DNAJC6: variants seen among roughly 807,000 people sequenced by gnomAD.
DNAJC6 encodes DnaJ heat shock protein family (Hsp40) member C6.
Under a neutral mutation model 110.0 loss-of-function variants are expected in DNAJC6, and 34 were observed. The observed-to-expected ratio is 0.31, with a 90% CI of 0.24 to 0.41. The LOEUF (loss-of-function observed/expected upper bound fraction) is 0.41, where lower values mean the gene tolerates loss of function less well. DNAJC6 is among the 10% of genes least tolerant of loss of function. The pLI is 1.00. For synonymous variants in DNAJC6, 406 were observed against 437.2 expected (o/e 0.93, Z 0.89); for missense variants, 1,031 against 1,207.8 (o/e 0.85, Z 2.17).
chr1:65,279,159 G>C, intron 1 of DNAJC6: 1 of 985,352 alleles, frequency 1.0e-6, no homozygotes, highest in Non-Finnish European at 1.2e-6. Context: ...TTTTTAGTTT[G>C]GTGCTGTGTG....
intron 1 of DNAJC6, among the ~76,000 whole-genome samples, chr1:65,283,464 T>G (rs1469192141): frequency 6.6e-6 from 1 of 152,242 alleles, no homozygotes; most frequent in Non-Finnish European, 1.5e-5. Flanking sequence ...AGTCGTTGGA[T>G]GTACAACATG....
chr1:65,406,732 C>G (rs76029911), intron 16 of DNAJC6, among the ~76,000 whole-genome samples: 2,918 of 152,132 alleles, frequency 0.019, 85 homozygotes, highest in African/African-American at 0.066. Context: ...TGGATAGGAT[C>G]TTGACAATGA....
chr1:65,282,499 A>C (rs1653885022), intron 1 of DNAJC6, among the ~76,000 whole-genome samples: 1 of 152,166 alleles, frequency 6.6e-6, no homozygotes, highest in Non-Finnish European at 1.5e-5. Flanking sequence ...GGAGGGGATT[A>C]GGGCCAGACT....
intron 1 of DNAJC6, among the ~76,000 whole-genome samples, chr1:65,343,231 C>T (rs1012732615): frequency 2.6e-5 from 4 of 152,240 alleles, no homozygotes; most frequent in Non-Finnish European, 5.9e-5. Context: ...GTAGTGGAGA[C>T]GCAATACTCA....
chr1:65,315,311 A>G (rs1645139251), intron 1 of DNAJC6, among the ~76,000 whole-genome samples: 1 of 151,880 alleles, frequency 6.6e-6, no homozygotes, highest in Admixed American at 6.6e-5. Context: ...ATTTTGCACA[A>G]CAGGGGTTTT....
intron 18 of DNAJC6, among the ~76,000 whole-genome samples, chr1:65,412,275 A>T (rs1207337407): frequency 6.6e-6 from 1 of 152,248 alleles, no homozygotes; most frequent in East Asian, 1.9e-4. Flanking sequence ...TCATGGACAA[A>T]TGAAATCATC....
chr1:65,326,551 G>A (rs1000504492), intron 1 of DNAJC6, among the ~76,000 whole-genome samples: 3 of 152,164 alleles, frequency 2.0e-5, no homozygotes, highest in African/African-American at 7.2e-5. Flanking sequence ...AAAACCAAAG[G>A]AAGGTAGTTG....
Position 65,402,032 on chromosome 1 carries a change from C to T in DNAJC6, c.2227+152C>T, listed in dbSNP as rs4915692. The T allele has an allele frequency of 0.075, 83,929 of 1,126,350 alleles. 15,924 individuals carry two copies. Among genetic ancestry groups the T allele is most frequent in the East Asian group, 0.6 (20,277 of 33,906 alleles). The allele number at this position is 1,126,350 out of a possible 1,614,324, so 69.8% of individuals were successfully genotyped here. ...GCTATCCTCTGAAACCTGAGATTGG[C>T]TTTTTAAAAAAGGAAAGCGATAATC... On this transcript the variant is annotated intron_variant, in intron 15 of 18. Coordinates refer to ENST00000371069, the MANE Select transcript of DNAJC6 (RefSeq NM_001256864.2).
intron 1 of DNAJC6, among the ~76,000 whole-genome samples, chr1:65,313,306 C>T (rs1396801664): frequency 1.3e-5 from 2 of 151,786 alleles, no homozygotes; most frequent in Non-Finnish European, 2.9e-5. Context: ...AGCGATCTGA[C>T]CACCTCGGCC....
chr1:65,290,777 A>G (rs1406281219), intron 1 of DNAJC6, among the ~76,000 whole-genome samples: 2 of 152,216 alleles, frequency 1.3e-5, no homozygotes, highest in Non-Finnish European at 2.9e-5. Flanking sequence ...AATGTTAGCT[A>G]TTATTAAAAA....
At chr1:65,289,139 G>T (rs1654113928) in intron 1 of DNAJC6, among the ~76,000 whole-genome samples, 1 of 152,160 alleles carries the variant, frequency 6.6e-6, no homozygotes, top group South Asian at 2.1e-4. Flanking sequence ...TCTCAGCAGG[G>T]TGTGAGATTT....
intron 13 of DNAJC6, among the ~76,000 whole-genome samples, chr1:65,398,074 T>C (rs575801385): frequency 1.3e-5 from 2 of 152,226 alleles, no homozygotes; most frequent in Non-Finnish European, 2.9e-5. Context: ...ATTTTATAGA[T>C]GTGTAAAAAA....
chr1:65,385,768 A>G lies in DNAJC6; in HGVS notation c.857A>G (p.Lys286Arg). ...LADKPYRPHFKPLTIKSITVS... is the reference protein window; with the variant it reads ...LADKPYRPHFRPLTIKSITVS... Reference sequence around the variant, plus strand: ...GACAAGCCCTACCGCCCTCACTTCAAGCCTCTCACAATTAAGTCGATCACT... The same window carrying G: ...GACAAGCCCTACCGCCCTCACTTCAGGCCTCTCACAATTAAGTCGATCACT... The change falls in exon 7 of 19, where the codon AAG (lysine) becomes AGG (arginine). Residue 286 changes from lysine to arginine, a missense_variant. Lys to Arg is a conservative substitution (Grantham distance 26). Coordinates refer to ENST00000371069, the MANE Select transcript of DNAJC6 (RefSeq NM_001256864.2). 1 of 1,614,004 alleles carries G rather than the reference A, an allele frequency of 6.2e-7. No individual in the cohort carries two copies. Among genetic ancestry groups the G allele is most frequent in the Non-Finnish European group, 8.5e-7 (1 of 1,179,898 alleles).
chr1:65,281,427 T>C (rs1570210810), intron 1 of DNAJC6, among the ~76,000 whole-genome samples: 1 of 152,082 alleles, frequency 6.6e-6, no homozygotes, highest in South Asian at 2.1e-4. Flanking sequence ...CCCCTTTTCC[T>C]CCTCCCCCTA....
At chr1:65,346,845 T>G (rs1157912359) in intron 1 of DNAJC6, among the ~76,000 whole-genome samples, 1 of 152,004 alleles carries the variant, frequency 6.6e-6, no homozygotes, top group East Asian at 1.9e-4. Flanking sequence ...CCATCCAAAC[T>G]GCAATTCAGG....
At chr1:65,288,514 G>T (rs1463897761) in intron 1 of DNAJC6, among the ~76,000 whole-genome samples, 1 of 152,158 alleles carries the variant, frequency 6.6e-6, no homozygotes, top group Non-Finnish European at 1.5e-5. Context: ...ATAATGATTT[G>T]TGAGTGTGTG....
chr1:65,275,103 A>G (rs530941333), intron 1 of DNAJC6, among the ~76,000 whole-genome samples: 66 of 152,312 alleles, frequency 4.3e-4, no homozygotes, highest in African/African-American at 1.6e-3. Flanking sequence ...CCCATAGGAC[A>G]CTGTAATGAT....
At chr1:65,323,358 G>A (rs915918954) in intron 1 of DNAJC6, among the ~76,000 whole-genome samples, 1 of 152,184 alleles carries the variant, frequency 6.6e-6, no homozygotes, top group East Asian at 1.9e-4. Context: ...AGAACTGATG[G>A]TTTTAAAATG....
Position 65,384,875 on chromosome 1 carries a change from A to G in DNAJC6, c.800+549A>G, listed in dbSNP as rs922755686. ...ATTGTCATTCAGTTTGTAAGCCCCC[A>G]TACGAAAATTTATGATGTTAAAACT... On this transcript the variant is annotated intron_variant, in intron 6 of 18. Coordinates refer to ENST00000371069, the MANE Select transcript of DNAJC6 (RefSeq NM_001256864.2). 3.5e-4 allele frequency among the ~76,000 whole-genome samples: 53 copies of G among 152,224 alleles called. 1 individual carries two copies. Among genetic ancestry groups the G allele is most frequent in the Non-Finnish European group, 1.5e-5 (1 of 68,036 alleles).
Sources: gnomAD v4.1 joint callset for allele counts (sites outside exome capture counted in the v4.1 genomes callset) on GRCh38, gnomAD v4.1.1 for gene constraint, MANE v1.5 for transcripts, NCBI Gene and HGNC (gene_info 2026-07-23, HGNC 2026-07-21) for gene names.